The following SLC44A5 variants were observed in gnomAD, a reference collection of about 807,000 sequenced individuals.
The protein encoded by SLC44A5 is solute carrier family 44 member 5.
Under a neutral mutation model 101.8 loss-of-function variants are expected in SLC44A5, and 57 were observed. The observed-to-expected ratio is 0.56, with a 90% CI of 0.45 to 0.70. The LOEUF (loss-of-function observed/expected upper bound fraction) is 0.70, where lower values mean the gene tolerates loss of function less well. SLC44A5 is among the 30% of genes least tolerant of loss of function. The pLI is 0.00. For synonymous variants in SLC44A5, 281 were observed against 290.9 expected (o/e 0.97, Z 0.35); for missense variants, 737 against 853.1 (o/e 0.86, Z 1.70).
intron 2 of SLC44A5, among the ~76,000 whole-genome samples, chr1:75,456,632 G>C (rs1050782849): frequency 6.6e-6 from 1 of 152,050 alleles, no homozygotes; most frequent in Non-Finnish European, 1.5e-5. Flanking sequence ...TTCTTCCTTA[G>C]GTTTTTATTC....
At chr1:75,721,672 T>C in the SLC44A5 span, among the ~76,000 whole-genome samples, 1 of 152,294 alleles carries the variant, frequency 6.6e-6, no homozygotes, top group Admixed American at 6.5e-5. Context: ...TTGCAACTGA[T>C]AGGAAATACA....
At chr1:75,304,090 CTTTG>C (rs762017854) in intron 4 of SLC44A5, among the ~76,000 whole-genome samples, 16 of 151,904 alleles carry the variant, frequency 1.1e-4, no homozygotes, top group Admixed American at 2.0e-4. Context: ...AAAAAGTCTG[CTTTG>C]TTTTTCTGGT....
At chr1:75,225,018 T>G (rs1647168154) in intron 13 of SLC44A5, among the ~76,000 whole-genome samples, 1 of 152,222 alleles carries the variant, frequency 6.6e-6, no homozygotes, top group African/African-American at 2.4e-5. Flanking sequence ...ACAGTGCTTA[T>G]AAAGTCTACA....
Position 75,488,438 on chromosome 1 carries a change from G to A in SLC44A5, c.13+52997C>T, listed in dbSNP as rs115015141. On this transcript the variant is annotated intron_variant, in intron 2 of 23. Transcript: ENST00000370859. ...ATAGAAAAGGTAAAGTAAAAACAAC[G>A]TAGTATAATATTAGGGGATCACCAT... Among the ~76,000 whole-genome samples the A allele has an allele frequency of 1.2e-3, 180 of 152,258 alleles. 2 individuals carry two copies. Among genetic ancestry groups the A allele is most frequent in the African/African-American group, 4.0e-3 (167 of 41,556 alleles).
At chr1:75,240,386 T>C (rs1373277282) in intron 9 of SLC44A5, among the ~76,000 whole-genome samples, 2 of 152,136 alleles carry the variant, frequency 1.3e-5, no homozygotes, top group East Asian at 1.9e-4. Flanking sequence ...CAACATATAA[T>C]GTCTTTCTCA....
At chr1:75,501,175 T>A (rs1337561777) in intron 2 of SLC44A5, among the ~76,000 whole-genome samples, 1 of 138,882 alleles carries the variant, frequency 7.2e-6, no homozygotes, top group African/African-American at 2.5e-5. Flanking sequence ...CCAACTCCAA[T>A]GAACATTAAT....
At chr1:75,570,375 A>G (rs1430604957) in intron 1 of SLC44A5, among the ~76,000 whole-genome samples, 1 of 152,238 alleles carries the variant, frequency 6.6e-6, no homozygotes, top group Non-Finnish European at 1.5e-5. Flanking sequence ...ACAGAAATAC[A>G]CAGAAGAAAT....
At chr1:75,258,349 G>T (rs967141891) in intron 6 of SLC44A5, among the ~76,000 whole-genome samples, 1 of 151,944 alleles carries the variant, frequency 6.6e-6, no homozygotes, top group African/African-American at 2.4e-5. Context: ...CTTGAGCTTC[G>T]TCAGGGAAGG....
At chr1:75,497,282 T>C (rs567985645) in intron 2 of SLC44A5, among the ~76,000 whole-genome samples, 2 of 152,178 alleles carry the variant, frequency 1.3e-5, no homozygotes, top group South Asian at 4.1e-4. Flanking sequence ...CGTGTGTGTG[T>C]GTGGGTGTTT....
upstream of SLC44A5, among the ~76,000 whole-genome samples, chr1:75,614,237 T>C (rs773424729): frequency 6.6e-6 from 1 of 152,218 alleles, no homozygotes; most frequent in Non-Finnish European, 1.5e-5. Flanking sequence ...TGTTTGTAGG[T>C]GAATATATTC....
At chr1:75,375,568 T>C (rs1370730440) in intron 3 of SLC44A5, among the ~76,000 whole-genome samples, 1 of 152,122 alleles carries the variant, frequency 6.6e-6, no homozygotes, top group Non-Finnish European at 1.5e-5. Flanking sequence ...AAAAGAAATC[T>C]TAAAGGCAAC....
intron 6 of SLC44A5, among the ~76,000 whole-genome samples, chr1:75,267,698 C>A (rs1460669372): frequency 2.0e-5 from 3 of 152,016 alleles, no homozygotes; most frequent in African/African-American, 7.2e-5. Context: ...TACAGGCACT[C>A]CATCATGCTC....
At chr1:75,576,659 C>T (rs748791952) in intron 1 of SLC44A5, among the ~76,000 whole-genome samples, 6 of 152,046 alleles carry the variant, frequency 3.9e-5, no homozygotes, top group South Asian at 2.1e-4. Context: ...TCTAAGCTAT[C>T]GCAAGTCCTA....
At chr1:75,569,556 C>G (rs1052038522) in intron 1 of SLC44A5, among the ~76,000 whole-genome samples, 2 of 152,120 alleles carry the variant, frequency 1.3e-5, no homozygotes, top group African/African-American at 4.8e-5. Flanking sequence ...CTTTTCTTAA[C>G]AACACTTAAA....
intron 2 of SLC44A5, among the ~76,000 whole-genome samples, chr1:75,510,559 G>A (rs1482181550): frequency 6.6e-6 from 1 of 152,132 alleles, no homozygotes; most frequent in Non-Finnish European, 1.5e-5. Context: ...TCGCATTCCT[G>A]ATACATTTTA....
intron 1 of SLC44A5, among the ~76,000 whole-genome samples, chr1:75,580,931 A>C (rs1399954084): frequency 6.6e-6 from 1 of 152,150 alleles, no homozygotes; most frequent in Non-Finnish European, 1.5e-5. Flanking sequence ...TTTTTAAAAA[A>C]TCAAAACCTA....
chr1:75,385,551 T>C (rs557986417), intron 3 of SLC44A5, among the ~76,000 whole-genome samples: 1 of 152,232 alleles, frequency 6.6e-6, no homozygotes, highest in Non-Finnish European at 1.5e-5. Context: ...GGCTCTGAAA[T>C]TGTGGCAATA....
chr1:75,258,845 T>C (rs1023737443), intron 6 of SLC44A5, among the ~76,000 whole-genome samples: 1 of 46,182 alleles, frequency 2.2e-5, no homozygotes, highest in Non-Finnish European at 3.8e-5. Context: ...GCAGCAATCT[T>C]GGCCATTCTG....
intron 2 of SLC44A5, among the ~76,000 whole-genome samples, chr1:75,536,313 G>A (rs944152741): frequency 1.3e-5 from 2 of 152,018 alleles, no homozygotes; most frequent in African/African-American, 4.8e-5. Flanking sequence ...AAAAATGCCT[G>A]GCCCGGCCAG....
Sources: allele counts gnomAD v4.1 joint callset (sites outside exome capture counted in the v4.1 genomes callset), GRCh38; gene constraint gnomAD v4.1.1; transcripts MANE v1.5; gene names NCBI Gene and HGNC (gene_info 2026-07-23, HGNC 2026-07-21).